The following LRRC36 variants were observed in gnomAD, a reference collection of about 807,000 sequenced individuals.
LRRC36 encodes the protein leucine rich repeat containing 36.
In LRRC36, 62 loss-of-function variants were observed where a neutral mutation model predicts 81.1. The observed-to-expected ratio is 0.76, with a 90% CI of 0.62 to 0.94. The LOEUF is 0.94. LRRC36 is among the 40% of genes least tolerant of loss of function. The probability of loss-of-function intolerance (pLI) is 0.00; values close to 1 mark genes in which losing one functional copy is unlikely to be tolerated. For missense variants in LRRC36, 761 were observed against 881.7 expected (o/e 0.86, Z 1.73); for synonymous variants, 334 against 348.6 (o/e 0.96, Z 0.47).
chr16:67,383,386 T>G (rs1285795799), intron 13 of LRRC36, among the ~76,000 whole-genome samples: 6 of 152,204 alleles, frequency 3.9e-5, no homozygotes, highest in South Asian at 2.1e-4. Context: ...GTAAAGAGGA[T>G]AGCATAATAC....
At position 67,376,869 on chromosome 16, in the gene LRRC36, C is replaced by T. The variant is rs763431272; in HGVS notation, c.1803C>T (p.Asp601=). The stretch of plus-strand genomic sequence containing the variant: ...AGGCTGCGCAGCTGGTCCCTAATGA[C>T]ATGGTATGCCCCTCTCATCTCCCTT... ...LKEAAQLVPN[D]MESLKQKLVR... The change falls in exon 11 of 14, where the codon GAC becomes GAT. Residue 601 remains aspartate, a synonymous_variant. Coordinates refer to ENST00000329956, the MANE Select transcript of LRRC36 (RefSeq NM_018296.6). 3.7e-6 allele frequency: 6 copies of T among 1,611,320 alleles called. No individual in the cohort carries two copies. In the South Asian group the frequency reaches 5.5e-5, roughly 15 times the overall value.
intron 1 of LRRC36, among the ~76,000 whole-genome samples, chr16:67,341,110 T>G (rs2038049984): frequency 9.0e-6 from 1 of 110,638 alleles, no homozygotes; most frequent in Admixed American, 8.2e-5. Flanking sequence ...ACTCTACATA[T>G]TCTATAGAAT....
intron 7 of LRRC36, 26 bp from the exon 8 acceptor site, chr16:67,366,991 T>G (rs770944828): frequency 6.4e-7 from 1 of 1,553,414 alleles, no homozygotes; most frequent in Non-Finnish European, 8.7e-7. Context: ...TATCATGTTT[T>G]GTTTTTTTGC....
At chr16:67,355,358 GA>G (rs1365856911) in intron 5 of LRRC36, among the ~76,000 whole-genome samples, 2 of 130,804 alleles carry the variant, frequency 1.5e-5, no homozygotes, top group African/African-American at 5.5e-5. Flanking sequence ...ATCTTTTTAA[GA>G]TGTCTTTTTT....
chr16:67,377,219 G>C (rs79759051), intron 11 of LRRC36, among the ~76,000 whole-genome samples: 4 of 152,138 alleles, frequency 2.6e-5, no homozygotes, highest in Non-Finnish European at 5.9e-5. Flanking sequence ...CCTTCTAAGC[G>C]AGCTGAGAGC....
chr16:67,333,170 A>G (rs1021655899), intron 1 of LRRC36, among the ~76,000 whole-genome samples: 4 of 151,914 alleles, frequency 2.6e-5, no homozygotes, highest in East Asian at 3.9e-4. Flanking sequence ...ATCTTGCCCT[A>G]TTGCCCAGGC....
intron 12 of LRRC36, among the ~76,000 whole-genome samples, chr16:67,381,444 G>T (rs1299244510): frequency 1.3e-5 from 2 of 152,052 alleles, no homozygotes; most frequent in African/African-American, 4.8e-5. Context: ...CACATACTAC[G>T]TAGGGAGTGA....
intron 8 of LRRC36, among the ~76,000 whole-genome samples, chr16:67,367,977 T>C (rs1235322095): frequency 6.6e-6 from 1 of 152,184 alleles, no homozygotes; most frequent in Admixed American, 6.5e-5. Context: ...GAGAATTGCT[T>C]GAACCTGGGA....
intron 1 of LRRC36, among the ~76,000 whole-genome samples, chr16:67,332,785 G>C (rs1332949825): frequency 6.6e-6 from 1 of 152,032 alleles, no homozygotes; most frequent in Non-Finnish European, 1.5e-5. Context: ...CTTAGCTTTT[G>C]TCCCATGTTA....
intron 1 of LRRC36, 75 bp from the exon 2 acceptor site, chr16:67,341,882 A>G: frequency 2.4e-6 from 3 of 1,259,028 alleles, no homozygotes; most frequent in Non-Finnish European, 3.3e-6. Context: ...TGGGAGGAAG[A>G]AAGGCCTACT....
chr16:67,348,956 ATTCTTAGTTTCCTATTTTT>A (rs1352859584), intron 4 of LRRC36, among the ~76,000 whole-genome samples: 4 of 152,144 alleles, frequency 2.6e-5, no homozygotes, highest in South Asian at 4.1e-4. Flanking sequence ...TTCAGTGAAC[ATTCTTAGTTTCCTATTTTT>A]TTCTTAGTTT....
At chr16:67,364,517 A>G (rs951762831) in intron 6 of LRRC36, among the ~76,000 whole-genome samples, 5 of 152,212 alleles carry the variant, frequency 3.3e-5, no homozygotes, top group Admixed American at 3.3e-4. Context: ...CAGTTTGGGT[A>G]TAGACTACCT....
At chr16:67,327,907 T>C (rs754114199) in intron 1 of LRRC36, among the ~76,000 whole-genome samples, 11 of 151,932 alleles carry the variant, frequency 7.2e-5, no homozygotes, top group Non-Finnish European at 1.5e-4. Context: ...CTGGTGACCT[T>C]GACAGAGGGA....
intron 5 of LRRC36, among the ~76,000 whole-genome samples, chr16:67,357,951 G>A (rs537039632): frequency 2.6e-5 from 4 of 152,208 alleles, no homozygotes; most frequent in Admixed American, 1.3e-4. Flanking sequence ...TTGTCCTGTC[G>A]CATTGATTAT....
chr16:67,382,271 G>A, intron 13 of LRRC36, 24 bp downstream of exon 13: 1 of 1,526,106 alleles, frequency 6.6e-7, no homozygotes, highest in Non-Finnish European at 9.0e-7. Context: ...TATCTAGCTT[G>A]CTTCTAGAAG....
chr16:67,370,630 C>CAAA (rs576313559), intron 8 of LRRC36, among the ~76,000 whole-genome samples: 6 of 82,640 alleles, frequency 7.3e-5, no homozygotes, highest in Admixed American at 2.9e-4. Context: ...GAGACTCTCT[C>CAAA]AAAAAAAAAA....
intron 8 of LRRC36, among the ~76,000 whole-genome samples, chr16:67,370,630 C>CA (rs576313559): frequency 0.016 from 1,357 of 82,358 alleles, 9 homozygotes; most frequent in East Asian, 0.029. Context: ...GAGACTCTCT[C>CA]AAAAAAAAAA....
chr16:67,355,386 T>TTC (rs1567482278), intron 5 of LRRC36, among the ~76,000 whole-genome samples: 6 of 115,696 alleles, frequency 5.2e-5, no homozygotes, highest in South Asian at 2.7e-4. Context: ...TTTTTTTTTT[T>TTC]TTTTTTGAGA....
intron 1 of LRRC36, among the ~76,000 whole-genome samples, chr16:67,331,020 C>T (rs1209762158): frequency 4.1e-5 from 6 of 147,396 alleles, no homozygotes; most frequent in Admixed American, 2.0e-4. Flanking sequence ...TGGTGAGGGT[C>T]ATTCCATGGT....
Sources: allele counts gnomAD v4.1 joint callset (sites outside exome capture counted in the v4.1 genomes callset), GRCh38; gene constraint gnomAD v4.1.1; transcripts MANE v1.5; gene names NCBI Gene and HGNC (gene_info 2026-07-23, HGNC 2026-07-21).